The following RYR1 variants were observed in gnomAD, a reference collection of about 807,000 sequenced individuals.
RYR1 encodes central core disease of muscle.
Under a neutral mutation model 583.5 loss-of-function variants are expected in RYR1, and 342 were observed. The observed-to-expected ratio is 0.59, with a 90% CI of 0.54 to 0.64. The LOEUF (loss-of-function observed/expected upper bound fraction) is 0.64, where lower values mean the gene tolerates loss of function less well. Ranked by LOEUF, RYR1 falls within the 30% of genes least tolerant of loss-of-function variation. The pLI is 0.00. For missense variants in RYR1, 6,032 were observed against 6,917.2 expected, an observed-to-expected ratio of 0.87 and a Z score of 4.54; for synonymous variants, 2,791 against 2,822.5, an observed-to-expected ratio of 0.99 and a Z score of 0.35.
At position 38,461,271 on chromosome 19, in the gene RYR1, G is replaced by GA. The variant is rs1171814861; in HGVS notation, c.2577+687dup. Among the ~76,000 whole-genome samples the GA allele has an allele frequency of 2.0e-5, 3 of 152,086 alleles. No individual in the cohort carries two copies. In the East Asian group the frequency reaches 5.8e-4, roughly 29 times the overall value. On this transcript the variant is annotated intron_variant, in intron 20 of 105. Coordinates refer to ENST00000359596, the MANE Select transcript of RYR1 (RefSeq NM_000540.3). The stretch of plus-strand genomic sequence containing the variant: ...AACATAGTGATACCCCGTCTTTATA[G>GA]AAAAAAATTTTTAATATTTACAAAT...
intron 37 of RYR1, among the ~76,000 whole-genome samples, chr19:38,491,419 A>G: frequency 6.8e-6 from 1 of 146,608 alleles, no homozygotes; most frequent in South Asian, 2.1e-4. Context: ...GTCTCTGAGG[A>G]TTTCTTTCAT....
At chr19:38,502,437 C>T (rs1272332568) in intron 47 of RYR1, 70 bp from the exon 48 acceptor site, 14 of 1,424,868 alleles carry the variant, frequency 9.8e-6, no homozygotes, top group East Asian at 9.8e-5. Flanking sequence ...TGGCCACAGT[C>T]GCTCAAGACA....
In RYR1 at chr19:38,505,363, C is replaced by G. The variant is rs1182173263; in HGVS notation, c.8365C>G (p.Pro2789Ala). The change falls in exon 53 of 106, where the codon CCC becomes GCC. Residue 2789 changes from proline to alanine, a missense_variant. By Grantham distance (27) the Pro-to-Ala change is conservative. Around this residue, in one of 11 missense-constraint regions of RYR1, gnomAD observed 1,493 missense variants for 1,715.5 expected, o/e 0.87. Transcript: ENST00000359596. ...ENIDEELKTH[P>A]MLRPYKTFSE... ...CATAGACGAGGAGCTGAAGACCCAC[C>G]CCATGCTGAGGCCCTACAAGACCTT... 6.2e-7 allele frequency: 1 copy of G among 1,612,254 alleles called. No homozygotes were observed. Among genetic ancestry groups the G allele is most frequent in the Non-Finnish European group, 8.5e-7 (1 of 1,179,214 alleles).
chr19:38,446,799 G>C, intron 9 of RYR1, 31 bp downstream of exon 9: 2 of 1,585,412 alleles, frequency 1.3e-6, no homozygotes, highest in Non-Finnish European at 8.7e-7. Context: ...AGAGACCAGG[G>C]AGAGGCTGGG....
intron 76 of RYR1, 107 bp from the exon 77 acceptor site, chr19:38,532,383 A>G (rs2060110852): frequency 9.1e-7 from 1 of 1,097,594 alleles, no homozygotes; most frequent in Non-Finnish European, 1.4e-6. Context: ...TCAGCCTCCC[A>G]GAGTGTTGGG....
intron 97 of RYR1, 82 bp from the exon 98 acceptor site, chr19:38,577,836 G>A: frequency 6.3e-7 from 1 of 1,578,148 alleles, no homozygotes; most frequent in Non-Finnish European, 8.7e-7. Context: ...AGAGTTTGGA[G>A]TGTCCCCAGA....
At chr19:38,557,729 A>C (rs1035405528) in intron 89 of RYR1, among the ~76,000 whole-genome samples, 1 of 151,860 alleles carries the variant, frequency 6.6e-6, no homozygotes, top group Non-Finnish European at 1.5e-5. Flanking sequence ...ACTTGAACCC[A>C]GGAGGGGGAG....
intron 11 of RYR1, among the ~76,000 whole-genome samples, chr19:38,450,458 G>A (rs140023718): frequency 2.1e-3 from 316 of 152,262 alleles, no homozygotes; most frequent in Non-Finnish European, 2.2e-3. Flanking sequence ...GAACAAGGAC[G>A]CAGACACACA....
chr19:38,568,899 G>A (rs1973575739), intron 93 of RYR1, among the ~76,000 whole-genome samples: 1 of 152,220 alleles, frequency 6.6e-6, no homozygotes, highest in South Asian at 2.1e-4. Context: ...GCCGTGCGAG[G>A]GGGCTCATGC....
chr19:38,505,282 C>G, intron 52 of RYR1, 27 bp from the exon 53 acceptor site: 2 of 1,544,738 alleles, frequency 1.3e-6, no homozygotes, highest in Non-Finnish European at 1.8e-6. Flanking sequence ...CTGCCTCCCC[C>G]TCACCCTGCC....
intron 95 of RYR1, 102 bp from the exon 96 acceptor site, chr19:38,573,075 T>C: frequency 1.3e-6 from 2 of 1,573,544 alleles, no homozygotes; most frequent in South Asian, 2.2e-5. Flanking sequence ...ACTTCTGATG[T>C]GGGGTCACAC....
At chr19:38,453,614 C>T (rs1317646067) in intron 13 of RYR1, among the ~76,000 whole-genome samples, 1 of 151,340 alleles carries the variant, frequency 6.6e-6, no homozygotes, top group Non-Finnish European at 1.5e-5. Flanking sequence ...AATTGTATGG[C>T]ATATTAGATG....
At position 38,529,136 on chromosome 19, in the gene RYR1, C is replaced by T. The variant is rs557221777; in HGVS notation, c.11141+79C>T. 20 of 1,413,538 alleles carry T rather than the reference C, an allele frequency of 1.4e-5. No homozygotes were observed. In the South Asian group the frequency reaches 1.9e-4, roughly 13 times the overall value. The allele number at this position is 1,413,538 out of a possible 1,614,324, so 87.6% of individuals were successfully genotyped here. Reference sequence around the variant, plus strand: ...CCAGCCCAGCAGCTTCCCTGTGCCTCAGGAGAGGCCCTCCAGGTCCTGGGG... The same window carrying T: ...CCAGCCCAGCAGCTTCCCTGTGCCTTAGGAGAGGCCCTCCAGGTCCTGGGG... On this transcript the variant is annotated intron_variant, in intron 76 of 105. Coordinates refer to ENST00000359596, the MANE Select transcript of RYR1 (RefSeq NM_000540.3).
At chr19:38,586,066 C>T in intron 103 of RYR1, 25 bp from the exon 104 acceptor site, 1 of 1,614,048 alleles carries the variant, frequency 6.2e-7, no homozygotes, top group Non-Finnish European at 8.5e-7. Flanking sequence ...TGGGCCTCCA[C>T]TCTGATGTCT....
chr19:38,549,875 TTGTGTGTGTGTGTGTGTG>T (rs150566334), intron 89 of RYR1, among the ~76,000 whole-genome samples: 36 of 122,252 alleles, frequency 2.9e-4, no homozygotes, highest in African/African-American at 7.8e-4. Context: ...CCAGCTAAAT[TTGTGTGTGTGTGTGTGTG>T]TGTGTGTGTG....
chr19:38,584,933 C>T lies in RYR1; in HGVS notation c.14647-10C>T, dbSNP rs780321710. The T allele has an allele frequency of 1.1e-5, 18 of 1,613,756 alleles. 1 individual carries two copies. The South Asian group carries it at 1.6e-4, about 15-fold the overall frequency. ...AATGAATGAGTGACCAGTGTGCTCC[C>T]CTCCCTCAGTGTTACCTGTTTCACA... On this transcript the variant is annotated splice_polypyrimidine_tract_variant and intron_variant, in intron 101 of 105. Transcript: ENST00000359596.
intron 83 of RYR1, among the ~76,000 whole-genome samples, chr19:38,537,566 T>A (rs1489200799): frequency 6.6e-6 from 1 of 152,108 alleles, no homozygotes; most frequent in East Asian, 1.9e-4. Flanking sequence ...GTCTGCTAGG[T>A]CAGCAGACTC....
At chr19:38,523,445 C>G (rs1452831754) in intron 69 of RYR1, 136 bp downstream of exon 69, 3 of 880,968 alleles carry the variant, frequency 3.4e-6, no homozygotes, top group Non-Finnish European at 5.5e-6. Context: ...GCCCCTCTTA[C>G]CTCCTCTCCC....
intron 33 of RYR1, among the ~76,000 whole-genome samples, chr19:38,485,226 C>T (rs11882267): frequency 0.079 from 12,048 of 152,082 alleles, 1,127 homozygotes; most frequent in African/African-American, 0.22. Context: ...AGTCCCAGAC[C>T]ATCCCAGGGA....
Sources: allele counts gnomAD v4.1 joint callset (sites outside exome capture counted in the v4.1 genomes callset), GRCh38; gene constraint gnomAD v4.1.1; regional missense constraint gnomAD v4.1.1; transcripts MANE v1.5; gene names NCBI Gene and HGNC (gene_info 2026-07-23, HGNC 2026-07-21).